CALN1: variants seen among roughly 807,000 people sequenced by gnomAD.
CALN1 encodes calcium-binding protein 8.
CALN1 carries 17 observed loss-of-function variants against 30.6 expected under a neutral mutation model. The observed-to-expected ratio is 0.56, with a 90% CI of 0.38 to 0.83. CALN1 has a LOEUF of 0.83. Ranked by LOEUF, CALN1 falls within the 40% of genes least tolerant of loss-of-function variation. The pLI is 0.00. For missense variants in CALN1, 291 were observed against 354.9 expected (o/e 0.82, Z 1.45); for synonymous variants, 156 against 131.4 (o/e 1.19, Z -1.28).
At chr7:72,079,761 C>CTTTTTTTTTTTTTTTTTTTTTTTTTT (rs3065015) in intron 4 of CALN1, among the ~76,000 whole-genome samples, 2 of 104,038 alleles carry the variant, frequency 1.9e-5, no homozygotes, top group Non-Finnish European at 3.7e-5. Flanking sequence ...TGCCTTTTTC[C>CTTTTTTTTTTTTTTTTTTTTTTTTTT]TTTTTTTTTT....
intron 3 of CALN1, among the ~76,000 whole-genome samples, chr7:72,222,789 A>G (rs1474134083): frequency 6.6e-6 from 1 of 152,144 alleles, no homozygotes; most frequent in Non-Finnish European, 1.5e-5. Context: ...AGGAGACCAA[A>G]GGGCAAGGAC....
chr7:72,388,511 G>A (rs774864525), intron 2 of CALN1, among the ~76,000 whole-genome samples: 2 of 152,168 alleles, frequency 1.3e-5, no homozygotes, highest in African/African-American at 2.4e-5. Context: ...ATTAACCGCA[G>A]CACATGTACC....
In CALN1 at chr7:72,440,467, C is replaced by T. The variant is rs368661217; in HGVS notation, c.-226+6575G>A. Among the ~76,000 whole-genome samples, 165 of 152,326 alleles carry T rather than the reference C, an allele frequency of 1.1e-3. 8 individuals are homozygous for T. The South Asian group carries it at 0.033, about 30-fold the overall frequency. ...TTGGGAGGCCAAAGTGGGAGGATCA[C>T]TCGAGGCCAGGAGTTTAAGACCAGC... On this transcript the variant is annotated intron_variant, in intron 1 of 6. Coordinates refer to the CALN1 transcript ENST00000395276.
intron 4 of CALN1, among the ~76,000 whole-genome samples, chr7:72,035,331 G>A (rs1177705310): frequency 6.6e-6 from 1 of 151,872 alleles, no homozygotes; most frequent in Admixed American, 6.6e-5. Context: ...CTCGGATTTT[G>A]ACTACTCCAA....
At chr7:71,977,635 A>G (rs995301849) in intron 5 of CALN1, among the ~76,000 whole-genome samples, 1 of 152,042 alleles carries the variant, frequency 6.6e-6, no homozygotes, top group African/African-American at 2.4e-5. Flanking sequence ...AGTGCTTACA[A>G]AAAGCAATGC....
At position 72,205,186 on chromosome 7, in the gene CALN1, T is replaced by G. The variant is rs549617741; in HGVS notation, c.244+73500A>C. On this transcript the variant is annotated intron_variant, in intron 3 of 6. Transcript: ENST00000395275. Reference sequence around the variant, plus strand: ...GTTCACATTCTTTCCTCAGTTTTTTTGTTTTTATTTTTGCTTTTCTTTTGT... The same window carrying G: ...GTTCACATTCTTTCCTCAGTTTTTTGGTTTTTATTTTTGCTTTTCTTTTGT... 2.9e-3 allele frequency among the ~76,000 whole-genome samples: 443 copies of G among 152,160 alleles called. 1 individual carries two copies. Among genetic ancestry groups the G allele is most frequent in the Middle Eastern group, 0.024 (7 of 294 alleles).
Position 72,324,534 on chromosome 7 carries a change from C to T in CALN1, c.120-45724G>A, listed in dbSNP as rs1003629180. ...CATTTTCAGCTCTGGCTCTCTCTCT[C>T]TTTTTCCCTCCTTTTAAATGATGTA... On this transcript the variant is annotated intron_variant, in intron 2 of 6. Coordinates refer to ENST00000395275, the MANE Select transcript of CALN1 (RefSeq NM_031468.4). Among the ~76,000 whole-genome samples, 146 of 148,332 alleles carry T rather than the reference C, an allele frequency of 9.8e-4. 2 individuals are homozygous for T. The highest frequency in any genetic ancestry group is 3.2e-3 in the African/African-American group (131 of 40,502).
chr7:72,024,085 T>G (rs985892052), intron 4 of CALN1, among the ~76,000 whole-genome samples: 3 of 152,194 alleles, frequency 2.0e-5, no homozygotes, highest in African/African-American at 7.2e-5. Flanking sequence ...ATTGCCCAGT[T>G]GTACATGATG....
rs756801628 is a variant in CALN1 at position 71,786,684 on chromosome 7, G to A, written c.*1091C>T. ...GATTGCATTTCTCTTTTTAGCTGGG[G>A]AAGACTAACAAAGCAAACTCCAAGG... On this transcript the variant is annotated 3_prime_UTR_variant, in exon 7 of 7. Transcript: ENST00000395275. The A allele has an allele frequency of 6.6e-6, 1 of 152,144 alleles. No individual in the cohort carries two copies. The highest frequency in any genetic ancestry group is 1.5e-5 in the Non-Finnish European group (1 of 68,026). 9.4% of individuals were successfully genotyped at this position (152,144 alleles called of 1,614,324 possible). A position where few individuals can be genotyped will look rare whatever the true frequency, so the allele number is the denominator to read the frequency against.
intron 5 of CALN1, among the ~76,000 whole-genome samples, chr7:71,848,468 A>T (rs993495898): frequency 1.3e-5 from 2 of 152,204 alleles, no homozygotes; most frequent in Non-Finnish European, 2.9e-5. Flanking sequence ...TTTGAAGGAT[A>T]AACAGGAAAA....
intron 5 of CALN1, among the ~76,000 whole-genome samples, chr7:71,905,201 A>C (rs1446845633): frequency 6.6e-6 from 1 of 152,164 alleles, no homozygotes; most frequent in Admixed American, 6.5e-5. Context: ...AGGTTCCCAA[A>C]GTGCTAGGAT....
chr7:72,347,440 A>C (rs148077587), intron 2 of CALN1, among the ~76,000 whole-genome samples: 5 of 151,614 alleles, frequency 3.3e-5, no homozygotes, highest in Admixed American at 3.3e-4. Flanking sequence ...CTAATTTTGT[A>C]TTTTTAGTAG....
At chr7:72,366,350 AT>A (rs1803877326) in intron 2 of CALN1, among the ~76,000 whole-genome samples, 1 of 151,798 alleles carries the variant, frequency 6.6e-6, no homozygotes, top group Admixed American at 6.6e-5. Context: ...TAATTTTTAT[AT>A]TTTTAGTAGA....
intron 2 of CALN1, among the ~76,000 whole-genome samples, chr7:72,344,676 T>C (rs1802540499): frequency 6.8e-6 from 1 of 147,136 alleles, no homozygotes. Context: ...ATATTTTATT[T>C]ATGTATATAA....
chr7:72,287,142 C>T (rs969727795), intron 2 of CALN1, among the ~76,000 whole-genome samples: 1 of 152,064 alleles, frequency 6.6e-6, no homozygotes, highest in Non-Finnish European at 1.5e-5. Context: ...TGATATTTTG[C>T]CTTCTTTGCT....
chr7:72,102,120 C>T (rs368699798), intron 4 of CALN1, among the ~76,000 whole-genome samples: 111 of 152,264 alleles, frequency 7.3e-4, no homozygotes, highest in African/African-American at 2.5e-3. Flanking sequence ...ACCTCCGCCT[C>T]CTGTGCCCAG....
chr7:72,425,422 A>G (rs569426718), intron 1 of CALN1, among the ~76,000 whole-genome samples: 1 of 152,302 alleles, frequency 6.6e-6, no homozygotes, highest in South Asian at 2.1e-4. Context: ...CCTCCTGCCC[A>G]GTTACTACCG....
At chr7:72,084,506 C>G (rs1805356261) in intron 4 of CALN1, among the ~76,000 whole-genome samples, 1 of 151,276 alleles carries the variant, frequency 6.6e-6, no homozygotes, top group South Asian at 2.1e-4. Context: ...TTACAGGCAC[C>G]CACCACCATG....
chr7:71,974,417 CA>C (rs1052896558), intron 5 of CALN1, among the ~76,000 whole-genome samples: 3,904 of 54,760 alleles, frequency 0.071, 19 homozygotes, highest in East Asian at 0.27. Context: ...GACTCCATCT[CA>C]AAAAAAAAAA....
Sources: allele counts gnomAD v4.1 joint callset (sites outside exome capture counted in the v4.1 genomes callset), GRCh38; gene constraint gnomAD v4.1.1; transcripts MANE v1.5; gene names NCBI Gene and HGNC (gene_info 2026-07-23, HGNC 2026-07-21).